Variants in RAPGEF6 observed in about 807,000 individuals in gnomAD.
RAPGEF6 encodes PDZ domain containing guanine nucleotide exchange factor (GEF) 2.
RAPGEF6 carries 56 observed loss-of-function variants against 171.4 expected under a neutral mutation model. The ratio of observed to expected loss-of-function variants is 0.33; its 90% CI spans 0.26 to 0.41. The LOEUF is 0.41. RAPGEF6 is among the 10% of genes least tolerant of loss of function. The probability of loss-of-function intolerance (pLI) is 1.00; values close to 1 mark genes in which losing one functional copy is unlikely to be tolerated. For synonymous variants in RAPGEF6, 692 were observed against 650.1 expected (o/e 1.06, Z -0.98); for missense variants, 1,674 against 1,921.4 (o/e 0.87, Z 2.41).
intron 4 of RAPGEF6, among the ~76,000 whole-genome samples, chr5:131,566,019 T>C (rs1002359746): frequency 1.3e-5 from 2 of 151,922 alleles, no homozygotes; most frequent in African/African-American, 4.8e-5. Context: ...TGATGGTGCA[T>C]GCCTGTAGTC....
At chr5:131,609,019 G>A (rs1764783450) in intron 1 of RAPGEF6, among the ~76,000 whole-genome samples, 1 of 152,112 alleles carries the variant, frequency 6.6e-6, no homozygotes, top group Non-Finnish European at 1.5e-5. Flanking sequence ...TCGAACTCCT[G>A]GGCTCAAGCA....
At chr5:131,631,058 C>T (rs1198034097) in intron 1 of RAPGEF6, among the ~76,000 whole-genome samples, 1 of 152,150 alleles carries the variant, frequency 6.6e-6, no homozygotes, top group Non-Finnish European at 1.5e-5. Flanking sequence ...CTCTTCTCCC[C>T]GACCTTATAC....
intron 1 of RAPGEF6, among the ~76,000 whole-genome samples, chr5:131,625,708 C>A (rs1400325168): frequency 1.3e-5 from 2 of 150,530 alleles, no homozygotes; most frequent in Non-Finnish European, 3.0e-5. Context: ...CCCAGCTACT[C>A]GGGAGGCTGA....
At chr5:131,451,113 T>G (rs922692569) in intron 21 of RAPGEF6, among the ~76,000 whole-genome samples, 4 of 152,190 alleles carry the variant, frequency 2.6e-5, no homozygotes, top group Non-Finnish European at 4.4e-5. Context: ...GGTACCTAGT[T>G]CTTACTATTT....
At chr5:131,440,737 C>CAAAA (rs1168441695) in intron 23 of RAPGEF6, among the ~76,000 whole-genome samples, 696 of 64,556 alleles carry the variant, frequency 0.011, no homozygotes, top group Non-Finnish European at 0.016. Flanking sequence ...GACTCTGTCT[C>CAAAA]AAAAAAAAAA....
chr5:131,487,494 C>T (rs1755993520), intron 15 of RAPGEF6, among the ~76,000 whole-genome samples: 2 of 151,982 alleles, frequency 1.3e-5, no homozygotes. Context: ...ATTTACAATC[C>T]TTTAGCTAGA....
chr5:131,621,762 G>A (rs1260006911), intron 1 of RAPGEF6, among the ~76,000 whole-genome samples: 3 of 152,030 alleles, frequency 2.0e-5, no homozygotes, highest in South Asian at 2.1e-4. Context: ...TTCCAATCTC[G>A]GTTGGTTGAA....
At chr5:131,613,604 G>A (rs1268747205) in intron 1 of RAPGEF6, among the ~76,000 whole-genome samples, 1 of 152,092 alleles carries the variant, frequency 6.6e-6, no homozygotes, top group African/African-American at 2.4e-5. Context: ...ATGGACAACA[G>A]GTAAATGAAT....
intron 17 of RAPGEF6, among the ~76,000 whole-genome samples, chr5:131,465,125 CTT>C (rs991304513): frequency 1.3e-5 from 2 of 152,008 alleles, no homozygotes; most frequent in African/African-American, 2.4e-5. Context: ...GATAACAACA[CTT>C]AGTCCAACTA....
chr5:131,519,087 C>G (rs1208064581), intron 7 of RAPGEF6, among the ~76,000 whole-genome samples: 4 of 152,140 alleles, frequency 2.6e-5, no homozygotes, highest in Non-Finnish European at 4.4e-5. Flanking sequence ...TGGAAATATT[C>G]TACATATTGA....
intron 4 of RAPGEF6, among the ~76,000 whole-genome samples, chr5:131,591,544 A>ATGG (rs892163884): frequency 2.0e-5 from 3 of 152,228 alleles, no homozygotes; most frequent in Non-Finnish European, 4.4e-5. Flanking sequence ...TGCCCAAGAA[A>ATGG]CAGTAGAGCA....
At chr5:131,558,215 T>C (rs547543115) in intron 5 of RAPGEF6, among the ~76,000 whole-genome samples, 1 of 151,220 alleles carries the variant, frequency 6.6e-6, no homozygotes, top group Non-Finnish European at 1.5e-5. Context: ...ATATGCCAGT[T>C]TGGTTTTTTT....
At chr5:131,609,448 T>C (rs2150022095) in intron 1 of RAPGEF6, among the ~76,000 whole-genome samples, 1 of 152,216 alleles carries the variant, frequency 6.6e-6, no homozygotes, top group Admixed American at 6.5e-5. Flanking sequence ...TATTCCACAC[T>C]AATGCCCACC....
At chr5:131,502,665 T>C (rs987219853) in intron 11 of RAPGEF6, among the ~76,000 whole-genome samples, 4 of 152,222 alleles carry the variant, frequency 2.6e-5, no homozygotes, top group Non-Finnish European at 5.9e-5. Context: ...AGTGAAGGAC[T>C]GAGGAACTGG....
intron 24 of RAPGEF6, among the ~76,000 whole-genome samples, chr5:131,438,326 GGACA>G (rs1184782326): frequency 3.3e-5 from 5 of 152,182 alleles, no homozygotes; most frequent in African/African-American, 1.2e-4. Context: ...CTACAGTGGA[GGACA>G]GAATCACGGT....
intron 5 of RAPGEF6, among the ~76,000 whole-genome samples, chr5:131,558,141 T>C (rs1761355323): frequency 6.6e-6 from 1 of 152,042 alleles, no homozygotes; most frequent in Non-Finnish European, 1.5e-5. Context: ...TGAAAAGGTT[T>C]ATAATTACAG....
At position 131,517,823 on chromosome 5, in the gene RAPGEF6, A is replaced by AC. The variant is rs1491284764; in HGVS notation, c.627+3566_627+3567insG. On this transcript the variant is annotated intron_variant, in intron 7 of 27. Transcript: ENST00000509018. The stretch of plus-strand genomic sequence containing the variant: ...CACACACACACACACACACACACAC[A>AC]AAATTTAGTTAGACATTTCTCTTAC... 3.6e-5 allele frequency among the ~76,000 whole-genome samples: 5 copies of AC among 139,730 alleles called. No homozygotes were observed. The South Asian group carries it at 1.2e-3, about 33-fold the overall frequency. The allele number at this position is 139,730 out of a possible 152,430, so 91.7% of individuals were successfully genotyped here.
At chr5:131,602,250 AT>A (rs1764301804) in intron 3 of RAPGEF6, among the ~76,000 whole-genome samples, 2 of 152,174 alleles carry the variant, frequency 1.3e-5, no homozygotes, top group Non-Finnish European at 2.9e-5. Flanking sequence ...TCTAGGTTAT[AT>A]GGTATAGCCT....
At chr5:131,487,500 C>T (rs138934058) in intron 15 of RAPGEF6, among the ~76,000 whole-genome samples, 2 of 152,108 alleles carry the variant, frequency 1.3e-5, no homozygotes, top group Non-Finnish European at 2.9e-5. Flanking sequence ...AATCCTTTAG[C>T]TAGACACAGA....
Sources: allele counts gnomAD v4.1 joint callset (sites outside exome capture counted in the v4.1 genomes callset), GRCh38; gene constraint gnomAD v4.1.1; transcripts MANE v1.5; gene names NCBI Gene and HGNC (gene_info 2026-07-23, HGNC 2026-07-21).